Variants in ST18 observed in about 807,000 individuals in gnomAD.
The protein encoded by ST18 is ST18 C2H2C-type zinc finger transcription factor.
Under a neutral mutation model 110.0 loss-of-function variants are expected in ST18, and 50 were observed. That is an observed-to-expected ratio of 0.45 (90% CI 0.36 to 0.58). The LOEUF (loss-of-function observed/expected upper bound fraction) is 0.58. Among genes scored for constraint, ST18 ranks in the 20% least tolerant of loss-of-function variants. ST18 has a pLI of 0.00. For missense variants in ST18, 1,306 were observed against 1,280.1 expected, an observed-to-expected ratio of 1.02 and a Z score of -0.31; for synonymous variants, 461 against 452.4, an observed-to-expected ratio of 1.02 and a Z score of -0.24.
In ST18 at chr8:52,161,402, C is replaced by T. The variant is rs894006203; in HGVS notation, c.1567G>A (p.Gly523Arg). Residue 523 changes from glycine (G) to arginine (R), a missense_variant, in exon 14 of 26, where the codon GGA (glycine) becomes AGA (arginine). Physicochemically the swap from Gly to Arg is moderately radical, Grantham distance 125 (BLOSUM62 -2). Coordinates refer to ENST00000689386, the MANE Select transcript of ST18 (RefSeq NM_001352837.2). ...GKRPLIQTVQGRKTPPFPESK... is the reference protein window; with the variant it reads ...GKRPLIQTVQRRKTPPFPESK... ...TCAGGAAATGGTGGTGTTTTTCGTC[C>T]TTGCACTGTTTGTATGAGAGGGCGT... The T allele has an allele frequency of 6.2e-7, 1 of 1,614,082 alleles. No individual in the cohort carries two copies. The highest frequency in any genetic ancestry group is 1.3e-5 in the African/African-American group (1 of 75,022).
chr8:52,346,372 A>T (rs1368643946), intron 2 of ST18, among the ~76,000 whole-genome samples: 1 of 152,036 alleles, frequency 6.6e-6, no homozygotes, highest in African/African-American at 2.4e-5. Flanking sequence ...AGATGAGACC[A>T]GTCCAAAAGT....
intron 6 of ST18, among the ~76,000 whole-genome samples, chr8:52,216,659 G>T (rs1342270267): frequency 6.6e-6 from 1 of 152,162 alleles, no homozygotes; most frequent in Non-Finnish European, 1.5e-5. Context: ...TTTATCGCTC[G>T]TGAGATGGTT....
intron 8 of ST18, among the ~76,000 whole-genome samples, chr8:52,198,598 G>A (rs1271978878): frequency 6.6e-6 from 1 of 152,168 alleles, no homozygotes. Context: ...CAGTAGTCAT[G>A]TGCATACTGA....
intron 2 of ST18, among the ~76,000 whole-genome samples, chr8:52,267,027 C>G (rs968121495): frequency 1.3e-5 from 2 of 151,864 alleles, no homozygotes; most frequent in African/African-American, 4.8e-5. Flanking sequence ...CTGGGGTGGC[C>G]CTGAAGGGGT....
intron 2 of ST18, among the ~76,000 whole-genome samples, chr8:52,391,252 C>T (rs543141861): frequency 6.6e-6 from 1 of 152,294 alleles, no homozygotes; most frequent in South Asian, 2.1e-4. Flanking sequence ...ACAAATGTAT[C>T]TTTGCTTGCT....
chr8:52,181,891 G>A (rs2069771672), intron 8 of ST18, among the ~76,000 whole-genome samples: 1 of 152,084 alleles, frequency 6.6e-6, no homozygotes. Flanking sequence ...GCTGAACAGG[G>A]AGGCAGAAGA....
chr8:52,220,403 A>G (rs551849064), intron 5 of ST18, among the ~76,000 whole-genome samples: 1 of 152,270 alleles, frequency 6.6e-6, no homozygotes, highest in African/African-American at 2.4e-5. Flanking sequence ...TAATCCATAA[A>G]CAAACTAATT....
At chr8:52,234,957 C>T (rs1261698232) in intron 2 of ST18, among the ~76,000 whole-genome samples, 1 of 151,896 alleles carries the variant, frequency 6.6e-6, no homozygotes, top group Admixed American at 6.6e-5. Flanking sequence ...ACTTTAGGGA[C>T]TCAGGGGAAA....
chr8:52,401,290 T>C (rs1309288635), intron 2 of ST18, among the ~76,000 whole-genome samples: 2 of 152,176 alleles, frequency 1.3e-5, no homozygotes, highest in Non-Finnish European at 2.9e-5. Flanking sequence ...TTTATTGTAA[T>C]ATGACTTGGT....
At chr8:52,239,028 T>C (rs1363164602) in intron 2 of ST18, among the ~76,000 whole-genome samples, 1 of 152,116 alleles carries the variant, frequency 6.6e-6, no homozygotes, top group Non-Finnish European at 1.5e-5. Flanking sequence ...AATGAAGTAC[T>C]TATGTATGCC....
chr8:52,130,255 A>G (rs1250943632), intron 22 of ST18, among the ~76,000 whole-genome samples: 3 of 152,250 alleles, frequency 2.0e-5, no homozygotes, highest in Admixed American at 1.3e-4. Flanking sequence ...AATACATAAT[A>G]TGTAAACAGG....
intron 4 of ST18, 111 bp from the exon 5 acceptor site, chr8:52,220,959 T>TA (rs2086411767): frequency 6.6e-6 from 1 of 152,246 alleles, no homozygotes; most frequent in African/African-American, 2.4e-5. Context: ...CACTTATCTA[T>TA]AGTTTGATTG....
intron 22 of ST18, among the ~76,000 whole-genome samples, chr8:52,131,647 A>C (rs749228405): frequency 1.3e-5 from 2 of 152,248 alleles, no homozygotes; most frequent in Non-Finnish European, 2.9e-5. Flanking sequence ...ACCACTTGGA[A>C]CTGAAGTAAA....
intron 22 of ST18, 84 bp downstream of exon 22, chr8:52,131,874 G>T: frequency 1.5e-6 from 2 of 1,299,098 alleles, no homozygotes; most frequent in Non-Finnish European, 2.2e-6. Flanking sequence ...ACCTTTAGGG[G>T]GTTGTTCACA....
chr8:52,283,931 T>C (rs2095428042), intron 2 of ST18, among the ~76,000 whole-genome samples: 2 of 152,176 alleles, frequency 1.3e-5, no homozygotes. Context: ...GTAGAAACTT[T>C]TGTCGTGAAT....
At chr8:52,245,275 T>C (rs917675655) in intron 2 of ST18, among the ~76,000 whole-genome samples, 1 of 152,200 alleles carries the variant, frequency 6.6e-6, no homozygotes, top group Non-Finnish European at 1.5e-5. Flanking sequence ...ATATTCTCTT[T>C]AATCTACATT....
At chr8:52,310,976 A>G (rs2095896480) in intron 2 of ST18, among the ~76,000 whole-genome samples, 1 of 152,210 alleles carries the variant, frequency 6.6e-6, no homozygotes, top group Admixed American at 6.5e-5. Context: ...CACAGGGACA[A>G]GTGGTCAGCT....
intron 16 of ST18, among the ~76,000 whole-genome samples, chr8:52,149,148 A>G (rs1304908649): frequency 6.6e-6 from 1 of 152,270 alleles, no homozygotes; most frequent in Non-Finnish European, 1.5e-5. Flanking sequence ...CTGTCGCACC[A>G]TCTGGCTTTC....
At chr8:52,167,771 C>A (rs1477050596) in intron 10 of ST18, among the ~76,000 whole-genome samples, 1 of 152,028 alleles carries the variant, frequency 6.6e-6, no homozygotes, top group African/African-American at 2.4e-5. Flanking sequence ...CCAGAGAGCA[C>A]CCCCAGGAAC....
Sources: allele counts gnomAD v4.1 joint callset (sites outside exome capture counted in the v4.1 genomes callset), GRCh38; gene constraint gnomAD v4.1.1; transcripts MANE v1.5; gene names NCBI Gene and HGNC (gene_info 2026-07-23, HGNC 2026-07-21).